Variants in PCBP3 observed in about 807,000 individuals in gnomAD.
PCBP3 encodes the protein poly(rC)-binding protein 3.
PCBP3 carries 25 observed loss-of-function variants against 52.7 expected under a neutral mutation model. That is an observed-to-expected ratio of 0.47 (90% CI 0.35 to 0.66). PCBP3 has a LOEUF of 0.66. Among genes scored for constraint, PCBP3 ranks in the 30% least tolerant of loss-of-function variants. The probability of loss-of-function intolerance (pLI) is 0.01; values close to 1 mark genes in which losing one functional copy is unlikely to be tolerated. For missense variants in PCBP3, 391 were observed against 490.3 expected, an observed-to-expected ratio of 0.80 and a Z score of 1.91; for synonymous variants, 162 against 183.0, an observed-to-expected ratio of 0.89 and a Z score of 0.93.
At position 45,901,171 on chromosome 21, in the gene PCBP3, G is replaced by A. The variant is rs557002197; in HGVS notation, c.339+58G>A. On this transcript the variant is annotated intron_variant, in intron 9 of 17. Coordinates refer to ENST00000681687, the MANE Select transcript of PCBP3 (RefSeq NM_001384156.1). The stretch of plus-strand genomic sequence containing the variant: ...GGCGGGGGCAGGCCTGGTCCCAGCT[G>A]GCTCCCTGGGTCCTCTCCCCTACAC... 8.2e-5 allele frequency: 101 copies of A among 1,224,930 alleles called. No homozygotes were observed. The East Asian group carries it at 2.2e-3, about 26-fold the overall frequency. The allele number at this position is 1,224,930 out of a possible 1,614,324, so 75.9% of individuals were successfully genotyped here.
At chr21:45,804,408 G>A (rs1299837052) in intron 4 of PCBP3, among the ~76,000 whole-genome samples, 3 of 152,130 alleles carry the variant, frequency 2.0e-5, no homozygotes, top group African/African-American at 4.8e-5. Flanking sequence ...GCTTTGAGGT[G>A]GTGTACAATA....
chr21:45,849,959 A>G lies in PCBP3; in HGVS notation c.-125-2A>G. ...ACACAGCCCTGTGTTTTTGTGTTTT[A>G]GGTCGGTAGGCTCCACGACAAAAGT... is the stretch of plus-strand genomic sequence containing the variant. On this transcript the variant is annotated splice_acceptor_variant, in intron 4 of 17. Transcript: ENST00000681687. LOFTEE classifies it low-confidence loss of function (5UTR_SPLICE). The G allele has an allele frequency of 1.2e-6, 1 of 860,296 alleles. No homozygotes were observed. 53.3% of individuals were successfully genotyped at this position (860,296 alleles called of 1,614,324 possible). A position where few individuals can be genotyped will look rare whatever the true frequency, so the allele number is the denominator to read the frequency against.
rs543694176 is a variant in PCBP3 at position 45,705,862 on chromosome 21, A to G, written c.-199-29530A>G. 4.6e-5 allele frequency among the ~76,000 whole-genome samples: 7 copies of G among 152,282 alleles called. No homozygotes were observed. The South Asian group carries it at 1.0e-3, about 23-fold the overall frequency. On this transcript the variant is annotated intron_variant, in intron 2 of 17. Transcript: ENST00000681687. ...TGAGCCCAGGAGGCAGGAATAAAAT[A>G]CTGACTTGGCCATGGTGCTCACTAA...
At chr21:45,730,772 T>C (rs538937620) in intron 2 of PCBP3, among the ~76,000 whole-genome samples, 56 of 152,318 alleles carry the variant, frequency 3.7e-4, no homozygotes, top group African/African-American at 1.3e-3. Context: ...AATTATTATA[T>C]AATGTCCTTA....
At chr21:45,778,954 G>A (rs967104518) in intron 4 of PCBP3, among the ~76,000 whole-genome samples, 12 of 152,120 alleles carry the variant, frequency 7.9e-5, no homozygotes, top group Non-Finnish European at 1.8e-4. Context: ...GATGGATAGG[G>A]AATGCACACC....
intron 2 of PCBP3, among the ~76,000 whole-genome samples, chr21:45,733,491 CTG>C (rs2145813977): frequency 6.6e-6 from 1 of 152,070 alleles, no homozygotes; most frequent in African/African-American, 2.4e-5. Flanking sequence ...CGGGGTTTCA[CTG>C]TGTTAGCCAG....
chr21:45,834,913 G>A (rs1023347011), intron 4 of PCBP3, among the ~76,000 whole-genome samples: 3 of 152,218 alleles, frequency 2.0e-5, no homozygotes, highest in African/African-American at 4.8e-5. Context: ...AGCAGGAATG[G>A]GGAGGCACCG....
At position 45,679,122 on chromosome 21, in the gene PCBP3, T is replaced by C. The variant is rs1477063377; in HGVS notation, c.-200+10170T>C. Among the ~76,000 whole-genome samples, 7 of 151,942 alleles carry C rather than the reference T, an allele frequency of 4.6e-5. No homozygotes were observed. The East Asian group carries it at 1.4e-3, about 29-fold the overall frequency. The stretch of plus-strand genomic sequence containing the variant: ...TTTTAGCAATAAACTATTTTTACTT[T>C]TTTCTTTGTTGTTTTTTTGAGATGG... On this transcript the variant is annotated intron_variant, in intron 2 of 17. Coordinates refer to ENST00000681687, the MANE Select transcript of PCBP3 (RefSeq NM_001384156.1).
chr21:45,899,212 T>C (rs1603479561), intron 6 of PCBP3, among the ~76,000 whole-genome samples: 1 of 152,260 alleles, frequency 6.6e-6, no homozygotes, highest in Admixed American at 6.5e-5. Context: ...AAGTTTTCTT[T>C]AAGTCACACA....
At chr21:45,860,908 ACTGTGTTCGGC>A (rs1421931617) in intron 5 of PCBP3, among the ~76,000 whole-genome samples, 1 of 152,028 alleles carries the variant, frequency 6.6e-6, no homozygotes, top group Admixed American at 6.5e-5. Context: ...GGTGCAAATG[ACTGTGTTCGGC>A]CTCCACTCCG....
At chr21:45,667,079 T>TTTCTTTCTTTCTTTCTTTCC (rs1555900594) in intron 1 of PCBP3, among the ~76,000 whole-genome samples, 146 of 11,914 alleles carry the variant, frequency 0.012, 2 homozygotes, top group East Asian at 0.026. Context: ...CTGTTTGTTC[T>TTTCTTTCTTTCTTTCTTTCC]TTCTTTCTTT....
At chr21:45,754,288 A>C (rs1276056249) in intron 3 of PCBP3, among the ~76,000 whole-genome samples, 2 of 152,222 alleles carry the variant, frequency 1.3e-5, no homozygotes, top group African/African-American at 4.8e-5. Context: ...ACCCAGTAAA[A>C]AAATTAATGC....
At chr21:45,824,378 G>A (rs1480771418) in intron 4 of PCBP3, among the ~76,000 whole-genome samples, 2 of 152,202 alleles carry the variant, frequency 1.3e-5, no homozygotes, top group South Asian at 4.1e-4. Flanking sequence ...GAGACTCAGG[G>A]CATCAGGCAA....
At chr21:45,893,018 G>A in intron 5 of PCBP3, among the ~76,000 whole-genome samples, 1 of 152,024 alleles carries the variant, frequency 6.6e-6, no homozygotes, top group Non-Finnish European at 1.5e-5. Flanking sequence ...ATAATAACAG[G>A]GAAGCCCCAT....
intron 2 of PCBP3, among the ~76,000 whole-genome samples, chr21:45,703,041 A>G (rs947714316): frequency 6.6e-5 from 10 of 152,094 alleles, no homozygotes; most frequent in Admixed American, 5.2e-4. Context: ...AAGTTTGATC[A>G]TGAGATTGCA....
chr21:45,784,641 T>C (rs2090960356), intron 4 of PCBP3, among the ~76,000 whole-genome samples: 1 of 152,218 alleles, frequency 6.6e-6, no homozygotes, highest in African/African-American at 2.4e-5. Context: ...TCGTATTTTT[T>C]GGGTGGAGAC....
chr21:45,822,022 C>T (rs770285162), intron 4 of PCBP3, among the ~76,000 whole-genome samples: 2 of 152,236 alleles, frequency 1.3e-5, no homozygotes, highest in African/African-American at 2.4e-5. Context: ...TCCACATGCT[C>T]ATCCTCTGGA....
chr21:45,655,034 G>A (rs1229817304), intron 1 of PCBP3, among the ~76,000 whole-genome samples: 1 of 152,042 alleles, frequency 6.6e-6, no homozygotes, highest in African/African-American at 2.4e-5. Context: ...CCATGTTGTA[G>A]TATGTATCAG....
intron 4 of PCBP3, among the ~76,000 whole-genome samples, chr21:45,797,899 G>A (rs377165586): frequency 1.8e-4 from 21 of 119,046 alleles, no homozygotes; most frequent in Admixed American, 1.9e-4. Context: ...GGATGGATGA[G>A]TGCATGGATC....
Sources: gnomAD v4.1 joint callset for allele counts (sites outside exome capture counted in the v4.1 genomes callset) on GRCh38, gnomAD v4.1.1 for gene constraint, MANE v1.5 for transcripts, NCBI Gene and HGNC (gene_info 2026-07-23, HGNC 2026-07-21) for gene names.